Variants in MALRD1 observed in about 807,000 individuals in gnomAD.
MALRD1 encodes the protein MAM and LDL receptor class A domain containing 1.
Under a neutral mutation model 242.1 loss-of-function variants are expected in MALRD1, and 247 were observed. The observed-to-expected ratio is 1.02, with a 90% CI of 0.92 to 1.13. The LOEUF (loss-of-function observed/expected upper bound fraction) is 1.13, where lower values mean the gene tolerates loss of function less well. Ranked by LOEUF, MALRD1 falls within the 50% of genes most tolerant of loss-of-function variation. MALRD1 has a pLI of 0.00. For synonymous variants in MALRD1, 995 were observed against 866.6 expected (o/e 1.15, Z -2.60); for missense variants, 2,989 against 2,533.1 (o/e 1.18, Z -3.86).
intron 33 of MALRD1, among the ~76,000 whole-genome samples, chr10:19,578,919 AACACGTG>A (rs796828039): frequency 1.1e-3 from 168 of 152,228 alleles, no homozygotes; most frequent in African/African-American, 3.9e-3. Flanking sequence ...AATCTCCAAG[AACACGTG>A]TTATATAATG....
intron 29 of MALRD1, among the ~76,000 whole-genome samples, chr10:19,461,519 G>A (rs1835941574): frequency 6.6e-6 from 1 of 152,096 alleles, no homozygotes; most frequent in African/African-American, 2.4e-5. Flanking sequence ...CAAGAATATG[G>A]TACAACGTCA....
intron 32 of MALRD1, among the ~76,000 whole-genome samples, chr10:19,542,356 A>G (rs1247131493): frequency 1.3e-5 from 2 of 152,090 alleles, no homozygotes; most frequent in Non-Finnish European, 2.9e-5. Flanking sequence ...GTCTGGGTTT[A>G]ATGCCTCATT....
chr10:19,645,683 A>T (rs1205392049), intron 36 of MALRD1, among the ~76,000 whole-genome samples: 2 of 151,952 alleles, frequency 1.3e-5, no homozygotes, highest in African/African-American at 2.4e-5. Context: ...AACAATGAGA[A>T]CACATGGACA....
At chr10:19,670,253 C>T (rs372230949) in intron 36 of MALRD1, among the ~76,000 whole-genome samples, 3 of 152,068 alleles carry the variant, frequency 2.0e-5, no homozygotes, top group Non-Finnish European at 4.4e-5. Context: ...CACATTTCTG[C>T]GAATTATTTA....
At chr10:19,310,997 T>C (rs1750062715) in intron 21 of MALRD1, among the ~76,000 whole-genome samples, 1 of 151,462 alleles carries the variant, frequency 6.6e-6, no homozygotes, top group Non-Finnish European at 1.5e-5. Flanking sequence ...GATTAGGCCA[T>C]GAGAAGAGAA....
intron 31 of MALRD1, among the ~76,000 whole-genome samples, chr10:19,506,597 T>G (rs1421909813): frequency 6.6e-6 from 1 of 152,142 alleles, no homozygotes; most frequent in Admixed American, 6.5e-5. Flanking sequence ...TATATATATA[T>G]TTCCATATAC....
At chr10:19,659,141 A>G (rs1841305161) in intron 36 of MALRD1, among the ~76,000 whole-genome samples, 1 of 152,174 alleles carries the variant, frequency 6.6e-6, no homozygotes, top group African/African-American at 2.4e-5. Context: ...TATCAGAACA[A>G]CTTTTGTCAA....
At chr10:19,083,239 G>T (rs1243222803) in intron 2 of MALRD1, among the ~76,000 whole-genome samples, 1 of 151,850 alleles carries the variant, frequency 6.6e-6, no homozygotes, top group African/African-American at 2.4e-5. Flanking sequence ...TGTATGTTGG[G>T]GTGCACTTTC....
intron 27 of MALRD1, 21 bp from the exon 28 acceptor site, chr10:19,389,431 G>A (rs1229490471): frequency 2.6e-6 from 4 of 1,548,032 alleles, no homozygotes; most frequent in African/African-American, 1.4e-5. Context: ...GTTCTTCTCT[G>A]AATTCTGTCC....
intron 28 of MALRD1, among the ~76,000 whole-genome samples, chr10:19,395,282 A>C (rs1275594926): frequency 6.6e-6 from 1 of 152,166 alleles, no homozygotes; most frequent in Admixed American, 6.5e-5. Flanking sequence ...TCGTGATGAC[A>C]TGTGCCCAAG....
intron 32 of MALRD1, among the ~76,000 whole-genome samples, chr10:19,536,493 A>G (rs1834680947): frequency 6.6e-6 from 1 of 151,994 alleles, no homozygotes; most frequent in Admixed American, 6.6e-5. Context: ...TACATATGGT[A>G]GGTTGCGTCA....
At chr10:19,599,426 C>A (rs1285864159) in intron 34 of MALRD1, among the ~76,000 whole-genome samples, 3 of 151,894 alleles carry the variant, frequency 2.0e-5, no homozygotes, top group African/African-American at 4.8e-5. Flanking sequence ...TCAAACATAT[C>A]CCCTTTTCGT....
At chr10:19,723,394 C>G (rs1052788427) in intron 38 of MALRD1, among the ~76,000 whole-genome samples, 1 of 152,026 alleles carries the variant, frequency 6.6e-6, no homozygotes, top group East Asian at 1.9e-4. Flanking sequence ...TCATCCATGA[C>G]CCTCACAAAT....
intron 26 of MALRD1, among the ~76,000 whole-genome samples, chr10:19,379,462 G>GA (rs753749693): frequency 2.3e-4 from 35 of 151,970 alleles, no homozygotes; most frequent in South Asian, 4.1e-4. Flanking sequence ...GCTTTACCTG[G>GA]AGCCCATAAA....
intron 28 of MALRD1, among the ~76,000 whole-genome samples, chr10:19,407,386 G>A (rs1355367799): frequency 6.6e-6 from 1 of 152,172 alleles, no homozygotes; most frequent in Non-Finnish European, 1.5e-5. Context: ...GGACGCTGAG[G>A]TGGGAGGCTC....
Position 19,283,169 on chromosome 10 carries a change from T to A in MALRD1, c.3407T>A (p.Val1136Glu). ...GGGGAAGAAAACCACAGGCCATCAG[T>A]GGATCATACACAGTAAGTGACCATG... ...HHGEENHRPS[V>E]DHTQNTTDGW... The change falls in exon 21 of 40, where the codon GTG becomes GAG. Residue 1136 changes from valine (V) to glutamate (E), a missense_variant. Transcript: ENST00000454679. 1 of 1,546,934 alleles carries A rather than the reference T, an allele frequency of 6.5e-7. No homozygotes were observed.
At chr10:19,506,585 T>G (rs1475537247) in intron 31 of MALRD1, among the ~76,000 whole-genome samples, 4 of 151,734 alleles carry the variant, frequency 2.6e-5, no homozygotes, top group South Asian at 2.1e-4. Context: ...ATTGTTGAGA[T>G]ATATATATAT....
intron 36 of MALRD1, among the ~76,000 whole-genome samples, chr10:19,624,965 C>T (rs908972510): frequency 2.6e-5 from 4 of 151,018 alleles, no homozygotes; most frequent in Non-Finnish European, 5.9e-5. Flanking sequence ...ACTTCAGAGG[C>T]AGAAGTGGGA....
Position 19,709,339 on chromosome 10 carries a change from C to T in MALRD1, c.6314+16785C>T, listed in dbSNP as rs1403426259. ...GCCTGAGGCAGGGGAATCGCTTGAACCCAGGAGGCAAAGGTTGTAGTGAGC... is the reference window on the plus strand; with the variant it reads ...GCCTGAGGCAGGGGAATCGCTTGAATCCAGGAGGCAAAGGTTGTAGTGAGC... On this transcript the variant is annotated intron_variant, in intron 38 of 39. Transcript: ENST00000454679. Among the ~76,000 whole-genome samples, 3 of 151,714 alleles carry T rather than the reference C, an allele frequency of 2.0e-5. No homozygotes were observed. The East Asian group carries it at 5.8e-4, about 29-fold the overall frequency.
Sources: allele counts gnomAD v4.1 joint callset (sites outside exome capture counted in the v4.1 genomes callset), GRCh38; gene constraint gnomAD v4.1.1; transcripts MANE v1.5; gene names NCBI Gene and HGNC (gene_info 2026-07-23, HGNC 2026-07-21).